Variants in WDR47 observed in about 807,000 individuals in gnomAD.
The protein encoded by WDR47 is WD repeat-containing protein 47.
A neutral mutation model predicts 97.2 loss-of-function variants in WDR47; 32 were observed. The observed-to-expected ratio is 0.33, with a 90% CI of 0.25 to 0.44. The LOEUF is 0.44. WDR47 is among the 20% of genes least tolerant of loss of function. The pLI is 1.00. For missense variants in WDR47, 782 were observed against 1,102.3 expected, an observed-to-expected ratio of 0.71 and a Z score of 4.11; for synonymous variants, 375 against 373.5, an observed-to-expected ratio of 1.00 and a Z score of -0.05.
chr1:108,986,359 A>C (rs1459171910), intron 10 of WDR47, among the ~76,000 whole-genome samples, 164 bp downstream of exon 10: 1 of 152,272 alleles, frequency 6.6e-6, no homozygotes, highest in Non-Finnish European at 1.5e-5. Context: ...ATATTTCCTA[A>C]GCACTGAAAG....
chr1:109,020,238 T>C (rs1661728662), intron 2 of WDR47, among the ~76,000 whole-genome samples: 1 of 149,750 alleles, frequency 6.7e-6, no homozygotes, highest in Admixed American at 6.7e-5. Context: ...TTTAGTTGTT[T>C]TTTTTTTTTT....
At chr1:109,025,563 A>C (rs766536342) in intron 1 of WDR47, among the ~76,000 whole-genome samples, 1 of 151,874 alleles carries the variant, frequency 6.6e-6, no homozygotes, top group Non-Finnish European at 1.5e-5. Context: ...GTGAAACCCC[A>C]CCTCTACTAA....
At chr1:109,037,745 A>G (rs528559892) in intron 1 of WDR47, among the ~76,000 whole-genome samples, 1 of 152,214 alleles carries the variant, frequency 6.6e-6, no homozygotes, top group South Asian at 2.1e-4. Context: ...GTACTTAGCC[A>G]TAGGAAAAAA....
intron 7 of WDR47, among the ~76,000 whole-genome samples, chr1:109,000,350 A>C (rs1358486253): frequency 6.6e-6 from 1 of 151,536 alleles, no homozygotes; most frequent in African/African-American, 2.4e-5. Flanking sequence ...CTCCACTAAA[A>C]ATACAAAAAT....
intron 3 of WDR47, among the ~76,000 whole-genome samples, chr1:109,016,473 G>A (rs1193692863): frequency 2.0e-5 from 3 of 152,238 alleles, no homozygotes; most frequent in Admixed American, 6.6e-5. Context: ...CGACGTCACA[G>A]TAGGAAACAT....
intron 8 of WDR47, among the ~76,000 whole-genome samples, chr1:108,992,027 C>T (rs1482975721): frequency 3.3e-5 from 5 of 151,446 alleles, no homozygotes; most frequent in East Asian, 3.9e-4. Flanking sequence ...TGAAAAAAGC[C>T]GAGATAAAAG....
rs941896523 is a variant in WDR47, at chr1:108,971,326, T to G, written c.*104A>C. 5.3e-6 allele frequency: 8 copies of G among 1,506,130 alleles called. No individual in the cohort carries two copies. Among genetic ancestry groups the G allele is most frequent in the Non-Finnish European group, 5.4e-6 (6 of 1,111,248 alleles). 93.3% of individuals were successfully genotyped at this position (1,506,130 alleles called of 1,614,324 possible). On this transcript the variant is annotated 3_prime_UTR_variant, in exon 15 of 15. Coordinates refer to ENST00000369962, the MANE Select transcript of WDR47 (RefSeq NM_001142551.2). Reference sequence around the variant, plus strand: ...ATGGTAATAAGGGGCCTCTTCGTGCTAAACCACTTTCCTGGACACTATGTT... The same window carrying G: ...ATGGTAATAAGGGGCCTCTTCGTGCGAAACCACTTTCCTGGACACTATGTT...
chr1:109,039,074 C>A (rs529587456), intron 1 of WDR47, among the ~76,000 whole-genome samples: 50 of 152,202 alleles, frequency 3.3e-4, no homozygotes, highest in Non-Finnish European at 5.1e-4. Flanking sequence ...GAAACTCCTA[C>A]TTGTGATAAT....
chr1:108,991,328 A>G lies in WDR47; in HGVS notation c.1693T>C (p.Ser565Pro), dbSNP rs1659334665. The change falls in exon 9 of 15, where the codon TCT becomes CCT. Residue 565 changes from serine to proline, a missense_variant and splice_region_variant. Ser to Pro is a moderately conservative substitution (Grantham distance 74, BLOSUM62 -1). Transcript: ENST00000369962. ...LEESPCGSQI[S>P]SEHSVIKPPL... ...GGCTTAATGACCGAATGTTCTGAAG[A>G]GCTGTGGGAGTAGAAATTCAAGTAA... 19 of 1,608,370 alleles carry G rather than the reference A, an allele frequency of 1.2e-5. No individual in the cohort carries two copies. The highest frequency in any genetic ancestry group is 1.6e-5 in the Non-Finnish European group (19 of 1,176,366).
chr1:109,005,721 A>C (rs2101917883), intron 5 of WDR47, among the ~76,000 whole-genome samples: 1 of 151,190 alleles, frequency 6.6e-6, no homozygotes, highest in Non-Finnish European at 1.5e-5. Flanking sequence ...AAAACACAAA[A>C]ATTTGTTGGG....
chr1:108,990,540 A>C (rs1416881917), intron 9 of WDR47, among the ~76,000 whole-genome samples: 5 of 152,078 alleles, frequency 3.3e-5, no homozygotes, highest in Non-Finnish European at 7.4e-5. Flanking sequence ...AGGAATTGGA[A>C]ACACTGGACT....
Position 109,011,565 on chromosome 1 carries a change from G to C in WDR47, c.481C>G (p.Arg161Gly). 1.2e-6 allele frequency: 2 copies of C among 1,614,134 alleles called. No individual in the cohort carries two copies. Among genetic ancestry groups the C allele is most frequent in the Non-Finnish European group, 1.7e-6 (2 of 1,180,036 alleles). ...EFKDWNPSTA[R>G]VHCFEEACVM... ...CAAGCCTCTTCAAAACAGTGAACTC[G>C]TGCGGTGCTGGGATTCCAGTCCTTA... Residue 161 changes from arginine (R) to glycine (G), a missense_variant, in exon 5 of 15, where the codon CGA becomes GGA. By Grantham distance (125) the Arg-to-Gly change is moderately radical (BLOSUM62 -2). This residue lies in a region of WDR47 where 428 missense variants were observed against 584.3 expected (regional missense o/e 0.73). Transcript: ENST00000369962.
At chr1:109,024,947 G>A (rs1336347386) in intron 1 of WDR47, 2 of 152,232 alleles carry the variant, frequency 1.3e-5, no homozygotes, top group Admixed American at 1.3e-4. Context: ...AGTGAGCTAT[G>A]ATCACACCAC....
intron 1 of WDR47, among the ~76,000 whole-genome samples, chr1:109,033,874 C>T (rs901429307): frequency 1.5e-4 from 22 of 150,664 alleles, no homozygotes; most frequent in African/African-American, 1.5e-4. Flanking sequence ...AGCCGAGATC[C>T]GTGCCACTGC....
intron 1 of WDR47, among the ~76,000 whole-genome samples, chr1:109,024,555 C>G (rs1026878254): frequency 1.3e-5 from 2 of 152,146 alleles, no homozygotes; most frequent in African/African-American, 4.8e-5. Context: ...TGTAGGTCTG[C>G]TACAACTGAG....
chr1:109,038,915 G>A (rs1287936251), intron 1 of WDR47, among the ~76,000 whole-genome samples: 1 of 152,030 alleles, frequency 6.6e-6, no homozygotes, highest in African/African-American at 2.4e-5. Context: ...GGAGGCGGAG[G>A]TTGCAGTGAG....
At chr1:109,036,071 A>C (rs1253127572) in intron 1 of WDR47, among the ~76,000 whole-genome samples, 1 of 152,142 alleles carries the variant, frequency 6.6e-6, no homozygotes, top group Admixed American at 6.6e-5. Context: ...CAAAGGTTTT[A>C]ATCTATAAAG....
At chr1:109,038,930 G>A (rs1041469058) in intron 1 of WDR47, among the ~76,000 whole-genome samples, 1 of 152,018 alleles carries the variant, frequency 6.6e-6, no homozygotes, top group African/African-American at 2.4e-5. Flanking sequence ...AGTGAGCCGA[G>A]ATCACGCCAC....
At chr1:109,018,419 A>G (rs554908934) in intron 2 of WDR47, among the ~76,000 whole-genome samples, 91 of 147,416 alleles carry the variant, frequency 6.2e-4, no homozygotes, top group Non-Finnish European at 1.1e-3. Context: ...CTGGGCAACA[A>G]AAGAGAGACT....
Sources: allele counts gnomAD v4.1 joint callset (sites outside exome capture counted in the v4.1 genomes callset), GRCh38; gene constraint gnomAD v4.1.1; regional missense constraint gnomAD v4.1.1; transcripts MANE v1.5; gene names NCBI Gene and HGNC (gene_info 2026-07-23, HGNC 2026-07-21).